The following FZD3 variants were observed in gnomAD, a reference collection of about 807,000 sequenced individuals.
The protein encoded by FZD3 is frizzled-3.
FZD3 carries 30 observed loss-of-function variants against 60.7 expected under a neutral mutation model. The observed-to-expected ratio is 0.49, with a 90% CI of 0.37 to 0.67. The LOEUF (loss-of-function observed/expected upper bound fraction) is 0.67. FZD3 is among the 30% of genes least tolerant of loss of function. The probability of loss-of-function intolerance (pLI) is 0.00; values close to 1 mark genes in which losing one functional copy is unlikely to be tolerated. For synonymous variants in FZD3, 246 were observed against 275.2 expected (o/e 0.89, Z 1.05); for missense variants, 605 against 838.7 (o/e 0.72, Z 3.44).
chr8:28,551,516 C>G, intron 5 of FZD3, 87 bp from the exon 6 acceptor site: 4 of 1,075,762 alleles, frequency 3.7e-6, no homozygotes, highest in Non-Finnish European at 5.4e-6. Flanking sequence ...AACTCTGTCT[C>G]AAAAGAAAAA....
At chr8:28,499,543 G>A (rs762852541) in intron 1 of FZD3, among the ~76,000 whole-genome samples, 21 of 152,060 alleles carry the variant, frequency 1.4e-4, no homozygotes, top group Non-Finnish European at 2.8e-4. Flanking sequence ...AGATTTGCTG[G>A]ATGAAATTGT....
At chr8:28,519,309 T>A (rs559683560) in intron 3 of FZD3, among the ~76,000 whole-genome samples, 1 of 152,352 alleles carries the variant, frequency 6.6e-6, no homozygotes, top group Admixed American at 6.5e-5. Context: ...ATATTTTATC[T>A]ATTCCTGTGG....
In FZD3 at chr8:28,533,239, A is replaced by AT. The variant is rs78764554; in HGVS notation, c.1404+5075_1404+5076insT. On this transcript the variant is annotated intron_variant, in intron 5 of 7. Transcript: ENST00000240093. Reference sequence around the variant, plus strand: ...CTTTTAGTAGAGATGGGGTCTTGTTAGCTGTCCAGGCAGGTCTCAAACTCC... The same window carrying AT: ...CTTTTAGTAGAGATGGGGTCTTGTTATGCTGTCCAGGCAGGTCTCAAACTCC... 4.7e-3 allele frequency among the ~76,000 whole-genome samples: 712 copies of AT among 151,364 alleles called. 25 individuals carry two copies. In the East Asian group the frequency reaches 0.091, roughly 19 times the overall value.
chr8:28,561,446 T>A (rs1441882620), intron 7 of FZD3, among the ~76,000 whole-genome samples: 3 of 152,242 alleles, frequency 2.0e-5, no homozygotes, highest in African/African-American at 7.2e-5. Context: ...AGATCACCTC[T>A]GTGGTGTATG....
Position 28,555,940 on chromosome 8 carries a change from C to T in FZD3, c.1756C>T (p.His586Tyr), listed in dbSNP as rs1328588784. ...CATCCACAGCAAAGTGAGCAGCTAC[C>T]ACGGCAGCCTCCACAGATCACGTGA... ...GSIHSKVSSY[H>Y]GSLHRSRDGR... Residue 586 changes from histidine to tyrosine, a missense_variant, in exon 7 of 8, where the codon CAC (histidine) becomes TAC (tyrosine). By Grantham distance (83) the His-to-Tyr change is moderately conservative. Coordinates refer to ENST00000240093, the MANE Select transcript of FZD3 (RefSeq NM_017412.4). The T allele has an allele frequency of 3.1e-6, 5 of 1,612,984 alleles. No homozygotes were observed. The highest frequency in any genetic ancestry group is 4.2e-6 in the Non-Finnish European group (5 of 1,179,186).
In FZD3 at chr8:28,557,883, G is replaced by T. The variant is rs994826190; in HGVS notation, c.1787+1912G>T. Among the ~76,000 whole-genome samples, 3 of 152,272 alleles carry T rather than the reference G, an allele frequency of 2.0e-5. No individual in the cohort carries two copies. In the East Asian group the frequency reaches 5.8e-4, roughly 29 times the overall value. Reference sequence around the variant, plus strand: ...AATCAATTACAATACACTTCAATAGGTATAGTAAAAATATGTACAGGGTGC... The same window carrying T: ...AATCAATTACAATACACTTCAATAGTTATAGTAAAAATATGTACAGGGTGC... On this transcript the variant is annotated intron_variant, in intron 7 of 7. Transcript: ENST00000240093.
At position 28,529,366 on chromosome 8, in the gene FZD3, C is replaced by A. The variant is rs142016424; in HGVS notation, c.1404+1202C>A. Among the ~76,000 whole-genome samples the A allele has an allele frequency of 8.9e-4, 135 of 152,278 alleles. 1 individual carries two copies. The East Asian group carries it at 0.018, about 21-fold the overall frequency. ...TTTGTTACTCTAATACTTTTAAATA[C>A]CTTTATTGACGTACTTAAGGATTAC... is the stretch of plus-strand genomic sequence containing the variant. On this transcript the variant is annotated intron_variant, in intron 5 of 7. Transcript: ENST00000240093.
intron 3 of FZD3, among the ~76,000 whole-genome samples, chr8:28,516,892 TAATAGA>T (rs373201316): frequency 6.6e-6 from 1 of 152,306 alleles, no homozygotes; most frequent in African/African-American, 2.4e-5. Context: ...TATAATATTC[TAATAGA>T]AATAATTACT....
intron 5 of FZD3, 122 bp downstream of exon 5, chr8:28,528,286 T>C (rs559136408): frequency 1.5e-6 from 1 of 686,778 alleles, no homozygotes; most frequent in African/African-American, 1.8e-5. Flanking sequence ...TACATTAACA[T>C]TTTAAGGATG....
intron 5 of FZD3, among the ~76,000 whole-genome samples, chr8:28,530,100 TGTGTGTG>T (rs1804825600): frequency 4.0e-5 from 1 of 25,000 alleles, no homozygotes; most frequent in African/African-American, 1.5e-4. Flanking sequence ...TGTGTGTGTG[TGTGTGTG>T]TGTGTGTGTG....
At chr8:28,519,601 G>A (rs996925898) in intron 3 of FZD3, among the ~76,000 whole-genome samples, 14 of 151,676 alleles carry the variant, frequency 9.2e-5, no homozygotes, top group Non-Finnish European at 1.9e-4. Context: ...GTGGTGGTGC[G>A]TGCCTGTAGT....
chr8:28,559,085 G>A (rs146369305), intron 7 of FZD3, among the ~76,000 whole-genome samples: 2 of 152,306 alleles, frequency 1.3e-5, no homozygotes, highest in African/African-American at 4.8e-5. Flanking sequence ...TACGTAGGGT[G>A]AATGAACAGT....
chr8:28,539,931 T>A (rs1448197457), intron 5 of FZD3, among the ~76,000 whole-genome samples: 1 of 152,122 alleles, frequency 6.6e-6, no homozygotes, highest in African/African-American at 2.4e-5. Flanking sequence ...TCTATTTAAT[T>A]AAAAATAATT....
intron 3 of FZD3, among the ~76,000 whole-genome samples, chr8:28,511,434 G>A (rs1196764633): frequency 6.6e-5 from 10 of 152,178 alleles, no homozygotes; most frequent in African/African-American, 9.7e-5. Context: ...GCAGTGAGCC[G>A]TGATTGCGCC....
At chr8:28,523,319 C>T (rs369185457) in intron 4 of FZD3, among the ~76,000 whole-genome samples, 38 of 152,292 alleles carry the variant, frequency 2.5e-4, no homozygotes, top group Admixed American at 1.8e-3. Flanking sequence ...GCTGCATCCT[C>T]CACTGGGTAG....
chr8:28,501,343 T>C (rs1000599073), intron 2 of FZD3, among the ~76,000 whole-genome samples: 5 of 152,202 alleles, frequency 3.3e-5, no homozygotes, highest in South Asian at 2.1e-4. Context: ...GCTTGGGACA[T>C]GGAGTTCCCA....
Position 28,528,536 on chromosome 8 carries a change from A to G in FZD3, c.1404+372A>G, listed in dbSNP as rs79574449. ...CAGGTTAGAAATTGTTTTATTAATA[A>G]CAGTTTTGCAAAAGTAACAAGATGC... is the stretch of plus-strand genomic sequence containing the variant. On this transcript the variant is annotated intron_variant, in intron 5 of 7. Coordinates refer to ENST00000240093, the MANE Select transcript of FZD3 (RefSeq NM_017412.4). 4.6e-3 allele frequency among the ~76,000 whole-genome samples: 705 copies of G among 152,268 alleles called. 24 individuals are homozygous for G. The East Asian group carries it at 0.089, about 19-fold the overall frequency.
intron 5 of FZD3, among the ~76,000 whole-genome samples, chr8:28,546,015 C>T (rs1360106968): frequency 6.6e-6 from 1 of 152,158 alleles, no homozygotes; most frequent in East Asian, 1.9e-4. Flanking sequence ...TTATTCAGTA[C>T]AGTAACCTGC....
intron 5 of FZD3, among the ~76,000 whole-genome samples, chr8:28,531,349 T>G (rs1477122078): frequency 6.6e-6 from 1 of 152,198 alleles, no homozygotes; most frequent in Non-Finnish European, 1.5e-5. Flanking sequence ...ATAATTTGTT[T>G]TAACTGCAGT....
Sources: gnomAD v4.1 joint callset for allele counts (sites outside exome capture counted in the v4.1 genomes callset) on GRCh38, gnomAD v4.1.1 for gene constraint, MANE v1.5 for transcripts, NCBI Gene and HGNC (gene_info 2026-07-23, HGNC 2026-07-21) for gene names.